Variants in RREB1 observed in about 807,000 individuals in gnomAD.
The protein encoded by RREB1 is ras-responsive element-binding protein 1.
A neutral mutation model predicts 117.8 loss-of-function variants in RREB1; 27 were observed. The ratio of observed to expected loss-of-function variants is 0.23; its 90% CI spans 0.17 to 0.32. The LOEUF (loss-of-function observed/expected upper bound fraction) is 0.32, where lower values mean the gene tolerates loss of function less well. Ranked by LOEUF, RREB1 falls within the 10% of genes least tolerant of loss-of-function variation. The probability of loss-of-function intolerance (pLI) is 1.00; values close to 1 mark genes in which losing one functional copy is unlikely to be tolerated. For synonymous variants in RREB1, 1,298 were observed against 1,026.7 expected (o/e 1.26, Z -5.05); for missense variants, 2,577 against 2,378.2 (o/e 1.08, Z -1.74).
intron 6 of RREB1, among the ~76,000 whole-genome samples, chr6:7,198,034 A>AG (rs1297671097): frequency 6.6e-6 from 1 of 152,178 alleles, no homozygotes; most frequent in East Asian, 1.9e-4. Context: ...GAGGTAGCAC[A>AG]GTGTCTCTGA....
At chr6:7,145,960 T>TGATGAA (rs11283245) in intron 1 of RREB1, among the ~76,000 whole-genome samples, 31,026 of 150,726 alleles carry the variant, frequency 0.21, 4,480 homozygotes, top group African/African-American at 0.41. Context: ...TTAAAGCCAG[T>TGATGAA]GCCTTCCTCT....
chr6:7,247,410 C>T (rs549017140), intron 12 of RREB1, among the ~76,000 whole-genome samples, 189 bp downstream of exon 12: 29 of 152,228 alleles, frequency 1.9e-4, no homozygotes, highest in Admixed American at 1.9e-3. Context: ...ACGGTGCAGG[C>T]CTCCTGCAGC....
chr6:7,110,106 A>T (rs1761060156), intron 1 of RREB1, among the ~76,000 whole-genome samples: 2 of 151,832 alleles, frequency 1.3e-5, no homozygotes, highest in Admixed American at 1.3e-4. Context: ...TATTTTTGAT[A>T]TTTTTTTTCC....
intron 11 of RREB1, among the ~76,000 whole-genome samples, chr6:7,244,126 G>A (rs1164490095): frequency 2.0e-5 from 3 of 151,856 alleles, no homozygotes; most frequent in South Asian, 4.1e-4. Context: ...AGCTGGGCAT[G>A]GTGGCTCACA....
chr6:7,249,058 G>GGAGAGA lies in RREB1; in HGVS notation c.*93_*94insAGAGAG. ...TTCCTCAGTGCCCTTTGGCTGTTGA[G>GGAGAGA]GAGTGAGAGAGAGAGAGAGAGAGAG... On this transcript the variant is annotated 3_prime_UTR_variant, in exon 13 of 13. Coordinates refer to ENST00000379938, the MANE Select transcript of RREB1 (RefSeq NM_001003699.4). 1.3e-6 allele frequency: 1 copy of GGAGAGA among 763,416 alleles called. No homozygotes were observed. The highest frequency in any genetic ancestry group is 1.9e-6 in the Non-Finnish European group (1 of 524,162). The allele number at this position is 763,416 out of a possible 1,614,324, so 47.3% of individuals were successfully genotyped here.
intron 6 of RREB1, among the ~76,000 whole-genome samples, chr6:7,204,877 G>A (rs1317110043): frequency 6.6e-6 from 1 of 152,246 alleles, no homozygotes; most frequent in African/African-American, 2.4e-5. Flanking sequence ...GGGCAGCTAT[G>A]ACTAAGTAAT....
At chr6:7,190,170 AT>A in intron 6 of RREB1, among the ~76,000 whole-genome samples, 1 of 152,178 alleles carries the variant, frequency 6.6e-6, no homozygotes, top group East Asian at 1.9e-4. Flanking sequence ...AAGTTTCTTG[AT>A]TTGGGAACTA....
chr6:7,241,011 C>T (rs1419471961), intron 11 of RREB1, among the ~76,000 whole-genome samples: 3 of 152,164 alleles, frequency 2.0e-5, no homozygotes, highest in Non-Finnish European at 4.4e-5. Flanking sequence ...CTGCAGCCTC[C>T]TCGGGAGCAG....
chr6:7,224,661 G>A (rs1767478897), intron 8 of RREB1, among the ~76,000 whole-genome samples: 1 of 152,180 alleles, frequency 6.6e-6, no homozygotes, highest in African/African-American at 2.4e-5. Context: ...GAGGGGCTGT[G>A]TCCATTCTGC....
At chr6:7,193,361 A>G (rs1222135605) in intron 6 of RREB1, among the ~76,000 whole-genome samples, 1 of 152,274 alleles carries the variant, frequency 6.6e-6, no homozygotes, top group East Asian at 1.9e-4. Flanking sequence ...GGTTTATAGC[A>G]TTGTTCAAGT....
chr6:7,146,953 C>T (rs952465196), intron 1 of RREB1, among the ~76,000 whole-genome samples: 7 of 152,074 alleles, frequency 4.6e-5, no homozygotes, highest in African/African-American at 1.4e-4. Flanking sequence ...AGAATGAAAC[C>T]GTACTTTTCT....
rs945161872 is a variant in RREB1 at position 7,251,892 on chromosome 6, G to A, written c.*2924G>A. ...TACTTTTTGTTCCTCTTTGTATTCA[G>A]TTGTATAGAACTTCCAAATTCAGAA... On this transcript the variant is annotated 3_prime_UTR_variant, in exon 13 of 13. Transcript: ENST00000379938. The A allele has an allele frequency of 2.0e-5, 3 of 152,200 alleles. No homozygotes were observed. The highest frequency in any genetic ancestry group is 7.2e-5 in the African/African-American group (3 of 41,446). The allele number at this position is 152,200 out of a possible 1,614,324, so 9.4% of individuals were successfully genotyped here.
chr6:7,154,463 A>T (rs1187791508), intron 1 of RREB1, among the ~76,000 whole-genome samples: 1 of 152,236 alleles, frequency 6.6e-6, no homozygotes, highest in African/African-American at 2.4e-5. Context: ...ACACTTGCTA[A>T]TGTGAACGTA....
chr6:7,231,488 C>G lies in RREB1; in HGVS notation c.3389C>G (p.Pro1130Arg), dbSNP rs1368221802. ...TTSPKESSEP[P>R]APASSPEAAS... is the part of the protein sequence containing the mutation. ...AGCCCAAAAGAGTCTAGTGAGCCTC[C>G]CGCTCCAGCCAGCAGCCCAGAGGCT... The change falls in exon 10 of 13, where the codon CCC becomes CGC. Residue 1130 changes from proline to arginine, a missense_variant. By Grantham distance (103) the Pro-to-Arg change is moderately radical. Coordinates refer to ENST00000379938, the MANE Select transcript of RREB1 (RefSeq NM_001003699.4). 1.2e-6 allele frequency: 2 copies of G among 1,611,420 alleles called. No individual in the cohort carries two copies. The highest frequency in any genetic ancestry group is 2.7e-5 in the African/African-American group (2 of 74,872).
intron 1 of RREB1, among the ~76,000 whole-genome samples, chr6:7,145,421 T>G (rs1331269175): frequency 1.3e-5 from 2 of 152,226 alleles, no homozygotes; most frequent in Non-Finnish European, 2.9e-5. Context: ...CTGCTTTTCC[T>G]GTATCAAAAC....
intron 1 of RREB1, among the ~76,000 whole-genome samples, chr6:7,139,992 A>C (rs552660420): frequency 6.6e-6 from 1 of 152,244 alleles, no homozygotes; most frequent in African/African-American, 2.4e-5. Context: ...CAGAGCTTGC[A>C]GTGTGCTGAA....
intron 6 of RREB1, among the ~76,000 whole-genome samples, chr6:7,198,270 C>T (rs945731941): frequency 2.6e-5 from 4 of 152,108 alleles, no homozygotes; most frequent in African/African-American, 4.8e-5. Flanking sequence ...TATTCTTCTG[C>T]AGGAAGGAAA....
At position 7,248,844 on chromosome 6, in the gene RREB1, G is replaced by A; in HGVS notation, c.5105G>A (p.Gly1702Asp). ...GGGTGGCCGTCTGAGCCTGGCCAGG[G>A]TGACCTTAACCCAGAGAGCCCGGCG... Reference protein sequence around the residue: ...TAGWPSEPGQGDLNPESPAAL... With the variant: ...TAGWPSEPGQDDLNPESPAAL... Residue 1702 changes from glycine to aspartate, a missense_variant, in exon 13 of 13, where the codon GGT becomes GAT. By Grantham distance (94) the Gly-to-Asp change is moderately conservative (BLOSUM62 -1). Coordinates refer to ENST00000379938, the MANE Select transcript of RREB1 (RefSeq NM_001003699.4). The A allele has an allele frequency of 6.2e-7, 1 of 1,610,798 alleles. No homozygotes were observed. The highest frequency in any genetic ancestry group is 8.5e-7 in the Non-Finnish European group (1 of 1,178,810).
chr6:7,164,097 C>T (rs1195926328), intron 1 of RREB1, among the ~76,000 whole-genome samples: 2 of 152,080 alleles, frequency 1.3e-5, no homozygotes, highest in African/African-American at 2.4e-5. Flanking sequence ...TTCCTCTGGT[C>T]GCCACACATG....
Sources: gnomAD v4.1 joint callset for allele counts (sites outside exome capture counted in the v4.1 genomes callset) on GRCh38, gnomAD v4.1.1 for gene constraint, MANE v1.5 for transcripts, NCBI Gene and HGNC (gene_info 2026-07-23, HGNC 2026-07-21) for gene names.